BNC2: variants seen among roughly 807,000 people sequenced by gnomAD.
BNC2 encodes basonuclin zinc finger protein 2.
A neutral mutation model predicts 76.3 loss-of-function variants in BNC2; 20 were observed. The ratio of observed to expected loss-of-function variants is 0.26; its 90% CI spans 0.18 to 0.38. The LOEUF (loss-of-function observed/expected upper bound fraction) is 0.38. Among genes scored for constraint, BNC2 ranks in the 10% least tolerant of loss-of-function variants. The pLI, the probability that BNC2 is intolerant of heterozygous loss-of-function variation, is 1.00. For missense variants in BNC2, 1,382 were observed against 1,399.8 expected, an observed-to-expected ratio of 0.99 and a Z score of 0.20; for synonymous variants, 582 against 514.8, an observed-to-expected ratio of 1.13 and a Z score of -1.77.
chr9:16,444,016 A>G (rs1251207471), intron 5 of BNC2, among the ~76,000 whole-genome samples: 2 of 152,160 alleles, frequency 1.3e-5, no homozygotes, highest in Non-Finnish European at 2.9e-5. Flanking sequence ...AAATTGCTTG[A>G]ACTCTCACAC....
chr9:16,419,300 T>C lies in BNC2; in HGVS notation c.2989A>G (p.Ser997Gly). Reference protein sequence around the residue: ...GILLDDIDGASDSGESAHKAE... With the variant: ...GILLDDIDGAGDSGESAHKAE... ...TTGTGTGCCGACTCCCCACTGTCAC[T>C]CGCCCCGTCAATGTCATCGAGAAGA... The change falls in exon 7 of 7, where the codon AGT becomes GGT. Residue 997 changes from serine to glycine, a missense_variant. Physicochemically the swap from Ser to Gly is moderately conservative, Grantham distance 56. This residue lies in a region of BNC2 where 798 missense variants were observed against 775.5 expected (regional missense o/e 1.03). Transcript: ENST00000380672. The C allele has an allele frequency of 1.2e-6, 2 of 1,613,970 alleles. No individual in the cohort carries two copies. Among genetic ancestry groups the C allele is most frequent in the Non-Finnish European group, 1.7e-6 (2 of 1,179,894 alleles).
At chr9:16,525,583 CA>C (rs1220817358) in intron 5 of BNC2, among the ~76,000 whole-genome samples, 2 of 152,072 alleles carry the variant, frequency 1.3e-5, no homozygotes, top group East Asian at 3.8e-4. Flanking sequence ...TACCAAAGAT[CA>C]AAAATATGTT....
intron 3 of BNC2, among the ~76,000 whole-genome samples, chr9:16,659,002 G>T (rs186904835): frequency 2.0e-5 from 3 of 152,032 alleles, no homozygotes; most frequent in African/African-American, 7.2e-5. Context: ...CTCTTTTTTT[G>T]AATGTGATTA....
At chr9:16,864,910 C>T (rs934395828) in intron 1 of BNC2, among the ~76,000 whole-genome samples, 2 of 151,736 alleles carry the variant, frequency 1.3e-5, no homozygotes, top group African/African-American at 4.8e-5. Flanking sequence ...TGGTAATCCA[C>T]AGACACTGAG....
chr9:16,788,352 G>C (rs924436080), intron 1 of BNC2, among the ~76,000 whole-genome samples: 30 of 151,750 alleles, frequency 2.0e-4, no homozygotes, highest in East Asian at 3.9e-4. Flanking sequence ...AGGAGATCGA[G>C]ACCATCCTGG....
At position 16,858,921 on chromosome 9, in the gene BNC2, T is replaced by G. The variant is rs570401305; in HGVS notation, c.3+11725A>C. Reference sequence around the variant, plus strand: ...GGAAACAATCAGCAGAGTGAAGAGATAAACTATAGAAAGTGAGAAAAAATG... The same window carrying G: ...GGAAACAATCAGCAGAGTGAAGAGAGAAACTATAGAAAGTGAGAAAAAATG... On this transcript the variant is annotated intron_variant, in intron 1 of 6. Transcript: ENST00000380672. Among the ~76,000 whole-genome samples the G allele has an allele frequency of 3.1e-4, 47 of 151,776 alleles. No homozygotes were observed. In the South Asian group the frequency reaches 8.3e-3, roughly 27 times the overall value.
At chr9:16,747,574 T>G (rs947509518) in intron 1 of BNC2, among the ~76,000 whole-genome samples, 1 of 152,186 alleles carries the variant, frequency 6.6e-6, no homozygotes, top group Non-Finnish European at 1.5e-5. Context: ...GTTTAGTCAC[T>G]TGGCCGAAGT....
intron 5 of BNC2, among the ~76,000 whole-genome samples, chr9:16,483,985 A>G (rs1293769657): frequency 6.6e-6 from 1 of 152,214 alleles, no homozygotes; most frequent in Non-Finnish European, 1.5e-5. Flanking sequence ...GGCAAAAGAA[A>G]AATCTACCCA....
chr9:16,777,700 C>CAA (rs3084426), intron 1 of BNC2, among the ~76,000 whole-genome samples: 53,704 of 99,852 alleles, frequency 0.54, 15,993 homozygotes, highest in Non-Finnish European at 0.71. Flanking sequence ...GACTCCATCT[C>CAA]AAAAAAAAAA....
At chr9:16,554,000 C>T (rs991901802) in intron 4 of BNC2, among the ~76,000 whole-genome samples, 2 of 152,116 alleles carry the variant, frequency 1.3e-5, no homozygotes, top group Admixed American at 6.5e-5. Context: ...AACACATAAG[C>T]CTGAAGGATG....
intron 3 of BNC2, among the ~76,000 whole-genome samples, chr9:16,595,395 TTA>T (rs1472220406): frequency 6.6e-6 from 1 of 152,130 alleles, no homozygotes; most frequent in Non-Finnish European, 1.5e-5. Context: ...TATACGTTAT[TTA>T]TGTTAGGTCA....
chr9:16,816,361 G>C (rs1818182053), intron 1 of BNC2, among the ~76,000 whole-genome samples: 1 of 152,156 alleles, frequency 6.6e-6, no homozygotes, highest in African/African-American at 2.4e-5. Flanking sequence ...AGGAAACGAA[G>C]CTCAATGCAG....
chr9:16,436,334 G>A lies in BNC2; in HGVS notation c.1860C>T (p.Thr620=). 1 of 1,614,126 alleles carries A rather than the reference G, an allele frequency of 6.2e-7. No homozygotes were observed. The highest frequency in any genetic ancestry group is 2.2e-5 in the East Asian group (1 of 44,882). ...GTGCCAGGTCAGCACTGGGCTCATG[G>A]GTGGCCATCATCACTGCTGGCACTA... ...EPVVPAVMMA[T]HEPSADLAPK... The change falls in exon 6 of 7, where the codon ACC becomes ACT. Residue 620 remains threonine (T), a synonymous_variant. Transcript: ENST00000380672.
At chr9:16,563,711 C>G (rs571926916) in intron 4 of BNC2, among the ~76,000 whole-genome samples, 1 of 152,170 alleles carries the variant, frequency 6.6e-6, no homozygotes, top group African/African-American at 2.4e-5. Context: ...GCAGTTACAG[C>G]TGTAGAAATG....
chr9:16,523,425 A>G (rs1201330404), intron 5 of BNC2, among the ~76,000 whole-genome samples: 1 of 149,066 alleles, frequency 6.7e-6, no homozygotes, highest in Non-Finnish European at 1.5e-5. Flanking sequence ...GAGCCGAGAT[A>G]GCGCCACTGC....
chr9:16,454,937 T>C lies in BNC2; in HGVS notation c.670-17413A>G, dbSNP rs557097610. Among the ~76,000 whole-genome samples the C allele has an allele frequency of 3.3e-5, 5 of 152,296 alleles. No homozygotes were observed. The East Asian group carries it at 9.6e-4, about 29-fold the overall frequency. ...ATTTGTTACAGAATTGTTTATAGTTTTAAGGGCAAAAACTTAAATTTCCTC... is the reference window on the plus strand; with the variant it reads ...ATTTGTTACAGAATTGTTTATAGTTCTAAGGGCAAAAACTTAAATTTCCTC... On this transcript the variant is annotated intron_variant, in intron 5 of 6. Transcript: ENST00000380672.
chr9:16,551,767 AC>A (rs1273955999), intron 5 of BNC2, among the ~76,000 whole-genome samples: 4 of 152,214 alleles, frequency 2.6e-5, no homozygotes, highest in Non-Finnish European at 4.4e-5. Flanking sequence ...GGCAAAGTAT[AC>A]AGTGCAAATA....
At chr9:16,808,223 C>T (rs1817959039) in intron 1 of BNC2, among the ~76,000 whole-genome samples, 1 of 152,078 alleles carries the variant, frequency 6.6e-6, no homozygotes, top group African/African-American at 2.4e-5. Flanking sequence ...AAGAAATACA[C>T]ACTAATAGAA....
rs180942081 is a variant in BNC2, at chr9:16,773,600, A to G, written c.4-35115T>C. 1.3e-3 allele frequency among the ~76,000 whole-genome samples: 197 copies of G among 152,204 alleles called. 1 individual carries two copies. The highest frequency in any genetic ancestry group is 4.7e-3 in the African/African-American group (195 of 41,528). ...CTTCCTAAAAAGATGTGAAATTCCA[A>G]CTCACATTGACAGCCGCTGAGATAA... On this transcript the variant is annotated intron_variant, in intron 1 of 6. Coordinates refer to ENST00000380672, the MANE Select transcript of BNC2 (RefSeq NM_017637.6).
Sources: gnomAD v4.1 joint callset for allele counts (sites outside exome capture counted in the v4.1 genomes callset) on GRCh38, gnomAD v4.1.1 for gene constraint, gnomAD v4.1.1 regional missense constraint, MANE v1.5 for transcripts, NCBI Gene and HGNC (gene_info 2026-07-23, HGNC 2026-07-21) for gene names.